The following CORO7 variants were observed in gnomAD, a reference collection of about 807,000 sequenced individuals.
The protein encoded by CORO7 is coronin-7.
A neutral mutation model predicts 126.6 loss-of-function variants in CORO7; 107 were observed. That is an observed-to-expected ratio of 0.85 (90% CI 0.72 to 0.99). The LOEUF is 0.99. CORO7 is among the 50% of genes least tolerant of loss of function. The pLI is 0.00. For synonymous variants in CORO7, 603 were observed against 536.8 expected (o/e 1.12, Z -1.70); for missense variants, 1,314 against 1,255.8 (o/e 1.05, Z -0.70).
At chr16:4,412,508 A>G in intron 2 of CORO7, 78 bp from the exon 3 acceptor site, 2 of 1,512,958 alleles carry the variant, frequency 1.3e-6, no homozygotes, top group Non-Finnish European at 1.8e-6. Context: ...CCCAGAGATG[A>G]AATCCAGCAG....
At chr16:4,404,228 G>A (rs911137358) in intron 6 of CORO7, among the ~76,000 whole-genome samples, 1 of 152,156 alleles carries the variant, frequency 6.6e-6, no homozygotes, top group Non-Finnish European at 1.5e-5. Flanking sequence ...CCATTCCCAG[G>A]CCTCTCAGCC....
intron 25 of CORO7, 117 bp downstream of exon 25, chr16:4,357,851 C>T (rs2054029181): frequency 2.0e-6 from 3 of 1,486,866 alleles, no homozygotes; most frequent in African/African-American, 1.4e-5. Flanking sequence ...GCCACTCCAC[C>T]CTCCCAAAGG....
intron 26 of CORO7, among the ~76,000 whole-genome samples, chr16:4,356,002 G>GA (rs1255290521): frequency 6.6e-6 from 1 of 151,976 alleles, no homozygotes; most frequent in Admixed American, 6.6e-5. Context: ...TGCCTAGGCT[G>GA]GAGTGCAATG....
chr16:4,374,120 G>A (rs1166665656), intron 9 of CORO7, among the ~76,000 whole-genome samples: 1 of 147,110 alleles, frequency 6.8e-6, no homozygotes, highest in African/African-American at 2.6e-5. Context: ...CAGGAGCACT[G>A]CCCAGTGGGC....
intron 9 of CORO7, among the ~76,000 whole-genome samples, chr16:4,376,247 C>T (rs987807868): frequency 6.6e-6 from 1 of 152,210 alleles, no homozygotes; most frequent in Admixed American, 6.5e-5. Flanking sequence ...CAGCCGGGCC[C>T]TGAGCCTCCT....
chr16:4,384,991 G>C (rs2055144382), intron 9 of CORO7, among the ~76,000 whole-genome samples: 2 of 152,136 alleles, frequency 1.3e-5, no homozygotes, highest in South Asian at 4.1e-4. Context: ...GGGTGGCAGG[G>C]CCCAAAAAAA....
chr16:4,413,802 T>C (rs1429048112), intron 1 of CORO7, among the ~76,000 whole-genome samples: 2 of 151,460 alleles, frequency 1.3e-5, no homozygotes, highest in African/African-American at 4.8e-5. Context: ...TCTCCCAAAG[T>C]GCTGGGATTA....
At chr16:4,394,933 GT>G (rs930075920) in intron 7 of CORO7, among the ~76,000 whole-genome samples, 88 of 152,358 alleles carry the variant, frequency 5.8e-4, no homozygotes, top group African/African-American at 2.0e-3. Flanking sequence ...GACAGGGGTT[GT>G]TTCTTTTTGG....
intron 24 of CORO7, 55 bp from the exon 25 acceptor site, chr16:4,358,158 C>A: frequency 6.3e-7 from 1 of 1,581,504 alleles, no homozygotes; most frequent in South Asian, 1.1e-5. Context: ...CCAGGGCACA[C>A]GGGCATCTGT....
chr16:4,368,490 G>A (rs1053538882), intron 9 of CORO7, among the ~76,000 whole-genome samples: 5 of 152,040 alleles, frequency 3.3e-5, no homozygotes, highest in African/African-American at 1.2e-4. Flanking sequence ...GGGCATGGTG[G>A]CTCACATCTG....
In CORO7 at chr16:4,413,398, T is replaced by A. The variant is rs373832750; in HGVS notation, c.67A>T (p.Ile23Phe). 1.8e-5 allele frequency: 28 copies of A among 1,570,748 alleles called. No individual in the cohort carries two copies. The highest frequency in any genetic ancestry group is 2.4e-5 in the Non-Finnish European group (28 of 1,156,512). Residue 23 changes from isoleucine (I) to phenylalanine (F), a missense_variant, in exon 2 of 28, where the codon ATC (isoleucine) becomes TTC (phenylalanine). Ile to Phe is a conservative substitution (Grantham distance 21). Coordinates refer to ENST00000251166, the MANE Select transcript of CORO7 (RefSeq NM_024535.5). ...GCGGTTCCTGCTCGAATGTCACTGA[T>A]CCAGGACTGAAAATCAAGAGTAAAG... ...EARPPRRESW[I>F]SDIRAGTAPS... is the part of the protein sequence containing the mutation.
chr16:4,366,664 C>A (rs1379475563), intron 9 of CORO7, among the ~76,000 whole-genome samples: 1 of 151,904 alleles, frequency 6.6e-6, no homozygotes, highest in Non-Finnish European at 1.5e-5. Context: ...ACTCAGCCTC[C>A]AGAGTAGCTG....
chr16:4,355,720 C>T (rs1033042782), intron 26 of CORO7: 4 of 237,610 alleles, frequency 1.7e-5, no homozygotes, highest in African/African-American at 4.5e-5. Context: ...CCGCCCGCCT[C>T]GGCCTCCCAC....
rs2054035359 is a variant in CORO7 at position 4,358,016 on chromosome 16, T to C, written c.2545A>G (p.Asn849Asp). 6.2e-7 allele frequency: 1 copy of C among 1,612,860 alleles called. No individual in the cohort carries two copies. The highest frequency in any genetic ancestry group is 1.3e-5 in the African/African-American group (1 of 74,918). The change falls in exon 25 of 28, where the codon AAT becomes GAT. Residue 849 changes from asparagine (N) to aspartate (D), a missense_variant. Physicochemically the swap from Asn to Asp is conservative, Grantham distance 23. Transcript: ENST00000251166. ...AGGCTGAGAAGCCAGGGCTGCCCAT[T>C]AGCGCCTTGCAGCCAGGCCTCGGCA... The part of the protein sequence containing the change: ...LSAEAWLQGA[N>D]GQPWLLSLQP...
At chr16:4,365,199 C>T in intron 10 of CORO7, 139 bp from the exon 11 acceptor site, 1 of 1,380,246 alleles carries the variant, frequency 7.2e-7, no homozygotes, top group Non-Finnish European at 9.8e-7. Context: ...CCCCAACATG[C>T]TGGGCGCTGA....
At chr16:4,381,434 C>T in intron 9 of CORO7, 1 of 1,580,138 alleles carries the variant, frequency 6.3e-7, no homozygotes, top group East Asian at 2.3e-5. Context: ...GCCCTGGAGC[C>T]CGGCATCCTG....
intron 10 of CORO7, 70 bp downstream of exon 10, chr16:4,365,421 T>A (rs2054317843): frequency 1.3e-6 from 2 of 1,544,206 alleles, no homozygotes; most frequent in Non-Finnish European, 1.7e-6. Context: ...GTTCCTCCTC[T>A]CTCTTGGGGA....
At chr16:4,395,957 C>T (rs1364339386) in intron 6 of CORO7, among the ~76,000 whole-genome samples, 9 of 148,456 alleles carry the variant, frequency 6.1e-5, no homozygotes. Flanking sequence ...TTTGTATAGA[C>T]CTTCTTTCTG....
chr16:4,357,936 G>A (rs969746752), intron 25 of CORO7, 32 bp downstream of exon 25: 22 of 1,574,692 alleles, frequency 1.4e-5, no homozygotes, highest in South Asian at 4.5e-5. Flanking sequence ...CCCCCATCCC[G>A]CTTCCTCCCC....
Sources: gnomAD v4.1 joint callset for allele counts (sites outside exome capture counted in the v4.1 genomes callset) on GRCh38, gnomAD v4.1.1 for gene constraint, MANE v1.5 for transcripts, NCBI Gene and HGNC (gene_info 2026-07-23, HGNC 2026-07-21) for gene names.